The following AQP11 variants were observed in gnomAD, a reference collection of about 807,000 sequenced individuals.
AQP11 encodes the protein aquaporin-11.
A neutral mutation model predicts 21.1 loss-of-function variants in AQP11; 20 were observed. The observed-to-expected ratio is 0.95, with a 90% confidence interval of 0.67 to 1.38. AQP11 has a LOEUF of 1.38. Among genes scored for constraint, AQP11 ranks in the 40% most tolerant of loss-of-function variants. The probability of loss-of-function intolerance (pLI) is 0.00; values close to 1 mark genes in which losing one functional copy is unlikely to be tolerated. For synonymous variants in AQP11, 167 were observed against 150.1 expected (o/e 1.11, Z -0.82); for missense variants, 339 against 340.4 (o/e 1.00, Z 0.03).
intron 2 of AQP11, among the ~76,000 whole-genome samples, chr11:77,604,447 A>G (rs1240832243): frequency 6.6e-6 from 1 of 152,264 alleles, no homozygotes; most frequent in Non-Finnish European, 1.5e-5. Context: ...TGCATTACGT[A>G]TATAAAGTTA....
Position 77,602,384 on chromosome 11 carries a change from AAT to A in AQP11, c.620-1170_620-1169del, listed in dbSNP as rs372018915. On this transcript the variant is annotated intron_variant, in intron 1 of 2. Transcript: ENST00000313578. ...CATGGTATCTAGTACACAGGAACTC[AAT>A]AAGTTTTTGTGTAATCAAACTGAAA... Among the ~76,000 whole-genome samples, 58 of 152,332 alleles carry A rather than the reference AAT, an allele frequency of 3.8e-4. No individual in the cohort carries two copies. The East Asian group carries it at 0.01, about 27-fold the overall frequency.
In AQP11 at chr11:77,590,966, C is replaced by T. The variant is rs189313792; in HGVS notation, c.619+355C>T. The T allele has an allele frequency of 9.1e-4, 892 of 985,386 alleles. 5 individuals carry two copies. In the African/African-American group the frequency reaches 0.015, roughly 16 times the overall value. The allele number at this position is 985,386 out of a possible 1,614,324, so 61.0% of individuals were successfully genotyped here. On this transcript the variant is annotated intron_variant, in intron 1 of 2. Coordinates refer to ENST00000313578, the MANE Select transcript of AQP11 (RefSeq NM_173039.3). ...CATGCCAAGGTGGTATAGATCGTTT[C>T]GGATACTCTTACTGAAAAATGATCC...
At position 77,596,183 on chromosome 11, in the gene AQP11, G is replaced by C. The variant is rs559216491; in HGVS notation, c.619+5572G>C. On this transcript the variant is annotated intron_variant, in intron 1 of 2. Transcript: ENST00000313578. ...AGACCAGCCTGTTGATTCATAATCTGAATCAACATGACCACCCACAGCCTA... is the reference window on the plus strand; with the variant it reads ...AGACCAGCCTGTTGATTCATAATCTCAATCAACATGACCACCCACAGCCTA... 5.3e-5 allele frequency among the ~76,000 whole-genome samples: 8 copies of C among 152,004 alleles called. No individual in the cohort carries two copies. In the East Asian group the frequency reaches 1.5e-3, roughly 29 times the overall value.
intron 1 of AQP11, among the ~76,000 whole-genome samples, chr11:77,593,305 C>T (rs773970880): frequency 6.6e-6 from 1 of 152,188 alleles, no homozygotes; most frequent in Non-Finnish European, 1.5e-5. Flanking sequence ...AAGCATTTTG[C>T]AAGGAAATTT....
At chr11:77,595,943 ACT>A (rs1191982499) in intron 1 of AQP11, among the ~76,000 whole-genome samples, 1 of 151,828 alleles carries the variant, frequency 6.6e-6, no homozygotes, top group Non-Finnish European at 1.5e-5. Flanking sequence ...ACAGAGCAAG[ACT>A]CAGTGTCAAA....
intron 1 of AQP11, 91 bp downstream of exon 1, chr11:77,590,702 AT>A (rs1958742774): frequency 6.6e-7 from 1 of 1,514,038 alleles, no homozygotes; most frequent in South Asian, 1.3e-5. Context: ...GAAACCGTCT[AT>A]CCCGCTATGA....
Position 77,590,532 on chromosome 11 carries a change from T to C in AQP11, c.540T>C (p.Ala180=). ...EAVCSFLFHS[A]LLHFQEVRTK... ...TCTGCTCCTTTCTCTTCCACAGCGC[T>C]CTGCTGCACTTCCAGGAAGTCCGAA... The change falls in exon 1 of 3, where the codon GCT becomes GCC. Residue 180 remains alanine, a synonymous_variant. Transcript: ENST00000313578. The C allele has an allele frequency of 6.2e-7, 1 of 1,614,186 alleles. No homozygotes were observed. The highest frequency in any genetic ancestry group is 8.5e-7 in the Non-Finnish European group (1 of 1,180,032).
In AQP11 at chr11:77,590,610, A is replaced by G. The variant is rs1390898237; in HGVS notation, c.618A>G (p.Ala206=). Residue 206 remains alanine, a splice_region_variant and synonymous_variant, in exon 1 of 3, where the codon GCA becomes GCG. Transcript: ENST00000313578. ...LAALITFLVY[A]GGSLTGAVFN... is the part of the protein sequence containing the mutation. ...CACTCATCACCTTTTTGGTCTATGCAGGTTTGTCATTCTCACCAAATACTT... is the reference window on the plus strand; with the variant it reads ...CACTCATCACCTTTTTGGTCTATGCGGGTTTGTCATTCTCACCAAATACTT... 6 of 1,609,976 alleles carry G rather than the reference A, an allele frequency of 3.7e-6. No homozygotes were observed. The highest frequency in any genetic ancestry group is 5.1e-6 in the Non-Finnish European group (6 of 1,177,734).
rs951089583 is a variant in AQP11, at chr11:77,590,995, C to T, written c.619+384C>T. The T allele has an allele frequency of 1.4e-5, 14 of 985,278 alleles. No homozygotes were observed. In the Admixed American group the frequency reaches 7.4e-4, roughly 52 times the overall value. The allele number at this position is 985,278 out of a possible 1,614,324, so 61.0% of individuals were successfully genotyped here. On this transcript the variant is annotated intron_variant, in intron 1 of 2. Transcript: ENST00000313578. ...TACTCTTACTGAAAAATGATCCTGG[C>T]TTTACAAAGTTCCTTTCGATTTAAA...
intron 1 of AQP11, among the ~76,000 whole-genome samples, chr11:77,602,905 C>T (rs1426014713): frequency 3.3e-5 from 5 of 152,220 alleles, no homozygotes; most frequent in Non-Finnish European, 4.4e-5. Context: ...GCTGGACAGG[C>T]ATCCAGCCTC....
intron 1 of AQP11, chr11:77,591,138 A>G: frequency 1.0e-6 from 1 of 967,822 alleles, no homozygotes; most frequent in Non-Finnish European, 1.2e-6. Context: ...ATTTTGAGTT[A>G]TGAAATTTCT....
chr11:77,607,353 CA>C lies in AQP11; in HGVS notation c.737-1941del, dbSNP rs199730161. On this transcript the variant is annotated intron_variant, in intron 2 of 2. Coordinates refer to ENST00000313578, the MANE Select transcript of AQP11 (RefSeq NM_173039.3). ...AAAATAAAAATAAAAACAAAAACCC[CA>C]AAACAAACACCACTCAACTACCAAA... Among the ~76,000 whole-genome samples, 1,346 of 152,066 alleles carry C rather than the reference CA, an allele frequency of 8.9e-3. 18 individuals are homozygous for C. Among genetic ancestry groups the C allele is most frequent in the African/African-American group, 0.03 (1,233 of 41,474 alleles).
chr11:77,591,007 C>G lies in AQP11; in HGVS notation c.619+396C>G, dbSNP rs1007224847. On this transcript the variant is annotated intron_variant, in intron 1 of 2. Coordinates refer to ENST00000313578, the MANE Select transcript of AQP11 (RefSeq NM_173039.3). ...AAAATGATCCTGGCTTTACAAAGTT[C>G]CTTTCGATTTAAAGCACAAGGCACA... 7.1e-6 allele frequency: 7 copies of G among 985,240 alleles called. No individual in the cohort carries two copies. The African/African-American group carries it at 1.2e-4, about 17-fold the overall frequency. 61.0% of individuals were successfully genotyped at this position (985,240 alleles called of 1,614,324 possible).
At chr11:77,592,013 C>T (rs373867715) in intron 1 of AQP11, among the ~76,000 whole-genome samples, 6 of 152,218 alleles carry the variant, frequency 3.9e-5, no homozygotes, top group African/African-American at 1.4e-4. Context: ...CACCTGTCAT[C>T]CCAACACTTT....
chr11:77,598,819 A>G (rs1958798289), intron 1 of AQP11, among the ~76,000 whole-genome samples: 1 of 152,028 alleles, frequency 6.6e-6, no homozygotes, highest in African/African-American at 2.4e-5. Flanking sequence ...GGTTCAAATG[A>G]TTATCCTGCC....
chr11:77,590,879 T>G (rs890949014), intron 1 of AQP11: 58 of 985,314 alleles, frequency 5.9e-5, no homozygotes, highest in Non-Finnish European at 6.0e-5. Context: ...GGTTCAGATA[T>G]CCTACAAAGG....
intron 1 of AQP11, among the ~76,000 whole-genome samples, chr11:77,593,762 T>A (rs1290416293): frequency 6.6e-6 from 1 of 152,244 alleles, no homozygotes; most frequent in Non-Finnish European, 1.5e-5. Context: ...ATAACTAGAC[T>A]GTGTTAGAAC....
chr11:77,593,491 G>C (rs1958760743), intron 1 of AQP11, among the ~76,000 whole-genome samples: 1 of 152,128 alleles, frequency 6.6e-6, no homozygotes, highest in Non-Finnish European at 1.5e-5. Context: ...AAAAAAATTA[G>C]CCAGGCATGG....
Position 77,590,345 on chromosome 11 carries a change from C to T in AQP11, c.353C>T (p.Ala118Val). Reference sequence around the variant, plus strand: ...GGGGGCATGTCCCCCGAGACGGGTGCGGTGAGGCTATTGGCTCAGCTGGTT... The same window carrying T: ...GGGGGCATGTCCCCCGAGACGGGTGTGGTGAGGCTATTGGCTCAGCTGGTT... ...MLGGMSPETGAVRLLAQLVSA... is the reference protein window; with the variant it reads ...MLGGMSPETGVVRLLAQLVSA... Residue 118 changes from alanine to valine, a missense_variant, in exon 1 of 3, where the codon GCG becomes GTG. Ala to Val is a moderately conservative substitution (Grantham distance 64, BLOSUM62 0). Coordinates refer to ENST00000313578, the MANE Select transcript of AQP11 (RefSeq NM_173039.3). The T allele has an allele frequency of 1.9e-6, 3 of 1,611,120 alleles. No individual in the cohort carries two copies. Among genetic ancestry groups the T allele is most frequent in the Non-Finnish European group, 2.5e-6 (3 of 1,177,778 alleles).
Sources: allele counts gnomAD v4.1 joint callset (sites outside exome capture counted in the v4.1 genomes callset), GRCh38; gene constraint gnomAD v4.1.1; transcripts MANE v1.5; gene names NCBI Gene and HGNC (gene_info 2026-07-23, HGNC 2026-07-21).